The following GNG4 variants were observed in gnomAD, a reference collection of about 807,000 sequenced individuals.
GNG4 encodes the protein G protein subunit gamma 4, also known as guanine nucleotide-binding protein G(I)/G(S)/G(O) subunit gamma-4.
In GNG4, 4 loss-of-function variants were observed where a neutral mutation model predicts 5.8. That is an observed-to-expected ratio of 0.69 (90% CI 0.34 to 1.57). GNG4 has a LOEUF of 1.57. Among genes scored for constraint, GNG4 ranks in the 40% most tolerant of loss-of-function variants. GNG4 has a pLI of 0.06. For synonymous variants in GNG4, 29 were observed against 32.9 expected, an observed-to-expected ratio of 0.88 and a Z score of 0.41; for missense variants, 96 against 95.1, an observed-to-expected ratio of 1.01 and a Z score of -0.04.
rs1297353726 is a variant in GNG4 at position 235,622,680 on chromosome 1, A to C, written c.-123+26982T>G. Among the ~76,000 whole-genome samples, 3 of 152,110 alleles carry C rather than the reference A, an allele frequency of 2.0e-5. No homozygotes were observed. The East Asian group carries it at 5.8e-4, about 29-fold the overall frequency. On this transcript the variant is annotated intron_variant, in intron 1 of 3. Transcript: ENST00000391854. ...TCGATCACCTGAGGTCAGGAGTTCG[A>C]GACCAGCCTGGCCAACATGGTGAAA...
chr1:235,649,188 G>A lies in GNG4; in HGVS notation c.-123+474C>T, dbSNP rs565991383. Among the ~76,000 whole-genome samples, 1 of 152,174 alleles carries A rather than the reference G, an allele frequency of 6.6e-6. No individual in the cohort carries two copies. The highest frequency in any genetic ancestry group is 6.5e-5 in the Admixed American group (1 of 15,290). On this transcript the variant is annotated intron_variant, in intron 1 of 3. Coordinates refer to ENST00000391854, the MANE Select transcript of GNG4 (RefSeq NM_001098722.2). This position sits in a 1 kb window ranked among gnomAD's most constrained non-coding sequence, Gnocchi z 5.7. ...CGGCGTCTGGGCTGCTGGGGAGCCA[G>A]GAGGGCTTCCTCAGGCACTCGCCAG...
intron 1 of GNG4, among the ~76,000 whole-genome samples, chr1:235,622,126 G>A (rs1324765618): frequency 2.0e-5 from 3 of 152,126 alleles, no homozygotes; most frequent in African/African-American, 7.2e-5. Context: ...AGCATTTAAT[G>A]GTATGAATTT....
chr1:235,553,041 G>A (rs1376785438), intron 3 of GNG4, among the ~76,000 whole-genome samples: 1 of 138,250 alleles, frequency 7.2e-6, no homozygotes, highest in South Asian at 2.4e-4. Context: ...TTACAGGCAT[G>A]AGCCACCGTG....
Position 235,579,862 on chromosome 1 carries a change from A to AAAAAAAAAAAT in GNG4, c.99+3877_99+3878insATTTTTTTTTT, listed in dbSNP as rs57019025. ...TGAGACTCCATCTCTCAAAAAAAAA[A>AAAAAAAAAAAT]AGGTAAAAAGGTTGAACATAGAGTT... On this transcript the variant is annotated intron_variant, in intron 3 of 3. Transcript: ENST00000391854. Among the ~76,000 whole-genome samples, 71 of 108,552 alleles carry AAAAAAAAAAAT rather than the reference A, an allele frequency of 6.5e-4. 6 individuals carry two copies. The highest frequency in any genetic ancestry group is 2.3e-3 in the African/African-American group (60 of 26,014). 71.2% of individuals were successfully genotyped at this position (108,552 alleles called of 152,430 possible). A position where few individuals can be genotyped will look rare whatever the true frequency, so the allele number is the denominator to read the frequency against.
chr1:235,577,045 C>A (rs767754901), intron 3 of GNG4, among the ~76,000 whole-genome samples: 1 of 152,208 alleles, frequency 6.6e-6, no homozygotes, highest in Non-Finnish European at 1.5e-5. Context: ...CCTTTCTCTT[C>A]CCAGTGACAG....
At chr1:235,646,833 ACTGATCT>A (rs1201548376) in intron 1 of GNG4, among the ~76,000 whole-genome samples, 3 of 152,292 alleles carry the variant, frequency 2.0e-5, no homozygotes, top group South Asian at 4.1e-4. Context: ...AGCTCACTGA[ACTGATCT>A]CTTTTTAAGC....
chr1:235,576,608 G>GT lies in GNG4; in HGVS notation c.99+7131dup, dbSNP rs1687490796. Among the ~76,000 whole-genome samples the GT allele has an allele frequency of 2.6e-5, 4 of 152,260 alleles. 1 individual carries two copies. Among genetic ancestry groups the GT allele is most frequent in the Admixed American group, 2.6e-4 (4 of 15,288 alleles). On this transcript the variant is annotated intron_variant, in intron 3 of 3. Transcript: ENST00000391854. ...TGCGACAACCTGGAGGACATTACTTGTTTTTAGCTGCTGATAAGAGTTTGC... is the reference window on the plus strand; with the variant it reads ...TGCGACAACCTGGAGGACATTACTTGTTTTTTAGCTGCTGATAAGAGTTTGC...
At chr1:235,636,527 G>A (rs999334713) in intron 1 of GNG4, among the ~76,000 whole-genome samples, 7 of 152,140 alleles carry the variant, frequency 4.6e-5, no homozygotes, top group Non-Finnish European at 8.8e-5. Flanking sequence ...CGGCCACGCA[G>A]AGGCACGGTG....
At chr1:235,635,698 A>T (rs1346234910) in intron 1 of GNG4, among the ~76,000 whole-genome samples, 7 of 145,350 alleles carry the variant, frequency 4.8e-5, no homozygotes, top group Non-Finnish European at 1.1e-4. Context: ...GCAACACAAA[A>T]CCAACTAATA....
chr1:235,582,553 C>T (rs1234991428), intron 3 of GNG4, among the ~76,000 whole-genome samples: 2 of 152,206 alleles, frequency 1.3e-5, no homozygotes, highest in East Asian at 3.8e-4. Context: ...CATCCTTTTT[C>T]CTGTCTGCAC....
chr1:235,616,027 T>C, intron 1 of GNG4: 2 of 354,544 alleles, frequency 5.6e-6, no homozygotes, highest in Non-Finnish European at 1.1e-5. Context: ...GTCTGTGTGG[T>C]CCAAGGCCTC....
At chr1:235,581,890 G>A (rs1687646728) in intron 3 of GNG4, among the ~76,000 whole-genome samples, 1 of 152,188 alleles carries the variant, frequency 6.6e-6, no homozygotes, top group Non-Finnish European at 1.5e-5. Context: ...GGGGCTCCTG[G>A]GGCGGTGTCT....
At chr1:235,575,192 C>T (rs534304219) in intron 3 of GNG4, among the ~76,000 whole-genome samples, 67 of 152,280 alleles carry the variant, frequency 4.4e-4, no homozygotes, top group African/African-American at 1.3e-3. Context: ...GGGTCCCTGA[C>T]GTACGATGGT....
chr1:235,561,762 G>A (rs1687070248), intron 3 of GNG4, among the ~76,000 whole-genome samples: 1 of 152,182 alleles, frequency 6.6e-6, no homozygotes, highest in Non-Finnish European at 1.5e-5. Context: ...CCCAGCGTGT[G>A]GCTTGTGTTC....
At chr1:235,619,133 TAA>T (rs71496930) in intron 1 of GNG4, among the ~76,000 whole-genome samples, 107 of 49,044 alleles carry the variant, frequency 2.2e-3, no homozygotes, top group African/African-American at 6.8e-3. Flanking sequence ...ACGCTGTCTC[TAA>T]AAAAAAAAAA....
chr1:235,594,291 G>C (rs1395270072), intron 2 of GNG4, among the ~76,000 whole-genome samples: 2 of 152,160 alleles, frequency 1.3e-5, no homozygotes, highest in African/African-American at 2.4e-5. Flanking sequence ...ACAGAGTGCC[G>C]ATTGGTGTAT....
In GNG4 at chr1:235,549,714, A is replaced by G. The variant is rs1282448686; in HGVS notation, c.*2395T>C. 6.6e-6 allele frequency: 1 copy of G among 152,222 alleles called. No individual in the cohort carries two copies. Among genetic ancestry groups the G allele is most frequent in the Non-Finnish European group, 1.5e-5 (1 of 68,038 alleles). 9.4% of individuals were successfully genotyped at this position (152,222 alleles called of 1,614,324 possible). On this transcript the variant is annotated 3_prime_UTR_variant, in exon 4 of 4. Coordinates refer to ENST00000391854, the MANE Select transcript of GNG4 (RefSeq NM_001098722.2). Reference sequence around the variant, plus strand: ...AAGAATGAGTTTTAACAAAAGAAGCAAGGAACAAAGATGTCCTAAATCCAT... The same window carrying G: ...AAGAATGAGTTTTAACAAAAGAAGCGAGGAACAAAGATGTCCTAAATCCAT...
At chr1:235,553,360 C>T (rs776445884) in intron 3 of GNG4, among the ~76,000 whole-genome samples, 1 of 152,178 alleles carries the variant, frequency 6.6e-6, no homozygotes, top group Non-Finnish European at 1.5e-5. Flanking sequence ...TTAGGCTGTT[C>T]TGCCTGCGAG....
At chr1:235,579,844 C>T (rs1455246506) in intron 3 of GNG4, among the ~76,000 whole-genome samples, 1 of 15,618 alleles carries the variant, frequency 6.4e-5, no homozygotes, top group African/African-American at 1.7e-3. Flanking sequence ...GAGTGAGACT[C>T]CATCTCTCAA....
Sources: allele counts gnomAD v4.1 joint callset (sites outside exome capture counted in the v4.1 genomes callset), GRCh38; gene constraint gnomAD v4.1.1; non-coding constraint Gnocchi (gnomAD v3.1); transcripts MANE v1.5; gene names NCBI Gene and HGNC (gene_info 2026-07-23, HGNC 2026-07-21).